Variants in FAM120A observed in about 807,000 individuals in gnomAD.
The protein encoded by FAM120A is family with sequence similarity 120 member A.
FAM120A carries 15 observed loss-of-function variants against 109.7 expected under a neutral mutation model. The observed-to-expected ratio is 0.14, with a 90% CI of 0.09 to 0.21. FAM120A has a LOEUF of 0.21. Ranked by LOEUF, FAM120A falls within the 10% of genes least tolerant of loss-of-function variation. The probability of loss-of-function intolerance (pLI) is 1.00; values close to 1 mark genes in which losing one functional copy is unlikely to be tolerated. For synonymous variants in FAM120A, 493 were observed against 572.8 expected, an observed-to-expected ratio of 0.86 and a Z score of 1.99; for missense variants, 899 against 1,439.3, an observed-to-expected ratio of 0.62 and a Z score of 6.07.
At chr9:93,456,258 A>G (rs1857543791) in intron 1 of FAM120A, among the ~76,000 whole-genome samples, 1 of 152,216 alleles carries the variant, frequency 6.6e-6, no homozygotes, top group Non-Finnish European at 1.5e-5. Flanking sequence ...TTATTTTAAA[A>G]TCTTAGTGGC....
intron 1 of FAM120A, among the ~76,000 whole-genome samples, chr9:93,459,059 C>G (rs7021294): frequency 0.026 from 3,983 of 152,260 alleles, 166 homozygotes; most frequent in African/African-American, 0.09. Context: ...CTGTGTCCTA[C>G]TTTTGCTCAT....
intron 11 of FAM120A, among the ~76,000 whole-genome samples, chr9:93,547,091 G>A (rs553294983): frequency 6.6e-6 from 1 of 152,180 alleles, no homozygotes; most frequent in African/African-American, 2.4e-5. Flanking sequence ...TAGCAGAGAC[G>A]GGGGATGGAG....
chr9:93,533,105 A>G (rs959090537), intron 10 of FAM120A, among the ~76,000 whole-genome samples: 2 of 152,194 alleles, frequency 1.3e-5, no homozygotes, highest in Non-Finnish European at 2.9e-5. Flanking sequence ...ATCCTCAAAC[A>G]TACAGTCTGA....
At chr9:93,468,028 C>T (rs1314736161) in intron 1 of FAM120A, among the ~76,000 whole-genome samples, 1 of 151,958 alleles carries the variant, frequency 6.6e-6, no homozygotes, top group Admixed American at 6.6e-5. Flanking sequence ...ATTATAGGCG[C>T]CCGCCACCAC....
chr9:93,453,758 C>G (rs966537604), intron 1 of FAM120A, among the ~76,000 whole-genome samples: 1 of 152,160 alleles, frequency 6.6e-6, no homozygotes, highest in Non-Finnish European at 1.5e-5. Flanking sequence ...ATTTCTGAAT[C>G]GGAGCCTGGG....
chr9:93,549,330 C>T (rs1284599782), intron 11 of FAM120A, among the ~76,000 whole-genome samples: 1 of 152,186 alleles, frequency 6.6e-6, no homozygotes, highest in East Asian at 1.9e-4. Context: ...GCTTCAGTTT[C>T]CCCTTCTCTA....
rs146512995 is a variant in FAM120A, at chr9:93,500,824, T to C, written c.1030+1938T>C. On this transcript the variant is annotated intron_variant, in intron 5 of 17. Transcript: ENST00000277165. The surrounding 1 kb of genome is among the most constrained non-coding windows in gnomAD (Gnocchi z 4.6). ...GATGTCTAATAATTGCTTGTGGGAA[T>C]GATGGGGAGCATGAACATTGCCACC... 1.9e-4 allele frequency among the ~76,000 whole-genome samples: 29 copies of C among 152,296 alleles called. 1 individual carries two copies. In the East Asian group the frequency reaches 5.4e-3, roughly 28 times the overall value.
In FAM120A at chr9:93,532,125, C is replaced by T; in HGVS notation, c.1735-30C>T. 2 of 1,596,946 alleles carry T rather than the reference C, an allele frequency of 1.3e-6. No individual in the cohort carries two copies. Among genetic ancestry groups the T allele is most frequent in the Non-Finnish European group, 1.7e-6 (2 of 1,167,206 alleles). On this transcript the variant is annotated intron_variant, in intron 9 of 17. Coordinates refer to ENST00000277165, the MANE Select transcript of FAM120A (RefSeq NM_014612.5). This position sits in a 1 kb window ranked among gnomAD's most constrained non-coding sequence, Gnocchi z 4.3. ...TTGTAAATTCAACATGAAAAATGTG[C>T]AATGTTATTCTGCTTTCTTCCATGC... is the stretch of plus-strand genomic sequence containing the variant.
At chr9:93,505,667 CG>C (rs769775192) in intron 5 of FAM120A, among the ~76,000 whole-genome samples, 2 of 152,222 alleles carry the variant, frequency 1.3e-5, no homozygotes, top group Middle Eastern at 3.4e-3. Context: ...GCAGATGACA[CG>C]CAATAGGCTG....
At chr9:93,524,819 C>A (rs1212030944) in intron 7 of FAM120A, among the ~76,000 whole-genome samples, 1 of 152,152 alleles carries the variant, frequency 6.6e-6, no homozygotes, top group Non-Finnish European at 1.5e-5. Context: ...GCGCCACAGG[C>A]TTCCTGCACA....
chr9:93,456,345 C>T (rs896659608), intron 1 of FAM120A, among the ~76,000 whole-genome samples: 7 of 152,294 alleles, frequency 4.6e-5, no homozygotes, highest in Non-Finnish European at 1.0e-4. Flanking sequence ...TAATAAAGTC[C>T]TTCAGATCTT....
At chr9:93,505,705 G>T (rs1199168943) in intron 5 of FAM120A, among the ~76,000 whole-genome samples, 3 of 152,170 alleles carry the variant, frequency 2.0e-5, no homozygotes, top group Admixed American at 2.0e-4. Flanking sequence ...GAGGGTGGTT[G>T]ATAGATATGT....
chr9:93,508,174 A>G (rs7870048), intron 5 of FAM120A, among the ~76,000 whole-genome samples: 3,307 of 152,254 alleles, frequency 0.022, 118 homozygotes, highest in African/African-American at 0.074. Context: ...GACTGAGGGC[A>G]TATGTGTAGA....
chr9:93,492,276 A>T (rs1859361956), intron 3 of FAM120A, among the ~76,000 whole-genome samples: 1 of 152,186 alleles, frequency 6.6e-6, no homozygotes, highest in Non-Finnish European at 1.5e-5. Context: ...AAAACACTTA[A>T]CAAGTTTCTA....
intron 5 of FAM120A, among the ~76,000 whole-genome samples, chr9:93,511,558 C>G (rs1027779187): frequency 1.3e-5 from 2 of 152,264 alleles, no homozygotes; most frequent in Admixed American, 6.5e-5. Context: ...GTAACGGGAA[C>G]AGGTCACATG....
At chr9:93,484,473 T>C (rs1858948171) in intron 3 of FAM120A, among the ~76,000 whole-genome samples, 1 of 152,186 alleles carries the variant, frequency 6.6e-6, no homozygotes, top group African/African-American at 2.4e-5. Flanking sequence ...ATCTGAAAGA[T>C]ACCGTGTTGG....
chr9:93,469,441 G>A (rs756594811), intron 1 of FAM120A, among the ~76,000 whole-genome samples: 30 of 152,156 alleles, frequency 2.0e-4, no homozygotes, highest in Admixed American at 2.0e-4. Context: ...TTAATAGAGT[G>A]TACAGACTTA....
chr9:93,521,645 C>T (rs899633301), intron 7 of FAM120A, among the ~76,000 whole-genome samples: 5 of 151,984 alleles, frequency 3.3e-5, no homozygotes, highest in Non-Finnish European at 7.4e-5. Flanking sequence ...GTAATGTCTC[C>T]TCCAGTTCCT....
At chr9:93,561,021 C>A in intron 15 of FAM120A, 88 bp from the exon 16 acceptor site, 1 of 1,463,636 alleles carries the variant, frequency 6.8e-7, no homozygotes, top group Non-Finnish European at 9.4e-7. Context: ...TAAACCAAAA[C>A]TGAAAAGAAG....
Sources: allele counts gnomAD v4.1 joint callset (sites outside exome capture counted in the v4.1 genomes callset), GRCh38; gene constraint gnomAD v4.1.1; non-coding constraint Gnocchi (gnomAD v3.1); transcripts MANE v1.5; gene names NCBI Gene and HGNC (gene_info 2026-07-23, HGNC 2026-07-21).